The following SCAI variants were observed in gnomAD, a reference collection of about 807,000 sequenced individuals.
SCAI encodes protein SCAI.
In SCAI, 24 loss-of-function variants were observed where a neutral mutation model predicts 92.2. The ratio of observed to expected loss-of-function variants is 0.26; its 90% CI spans 0.19 to 0.37. The LOEUF is 0.37. Ranked by LOEUF, SCAI falls within the 10% of genes least tolerant of loss-of-function variation. The pLI, the probability that SCAI is intolerant of heterozygous loss-of-function variation, is 1.00. For synonymous variants in SCAI, 261 were observed against 258.6 expected (o/e 1.01, Z -0.09); for missense variants, 450 against 736.2 (o/e 0.61, Z 4.50).
chr9:124,986,500 TAC>T (rs1471499505), intron 14 of SCAI, among the ~76,000 whole-genome samples: 1 of 151,742 alleles, frequency 6.6e-6, no homozygotes, highest in Non-Finnish European at 1.5e-5. Context: ...TGATGGAAAA[TAC>T]AGACAGAAGA....
At chr9:125,108,743 C>T (rs1400428504) in intron 2 of SCAI, among the ~76,000 whole-genome samples, 2 of 150,966 alleles carry the variant, frequency 1.3e-5, no homozygotes, top group African/African-American at 2.4e-5. Flanking sequence ...AAGTGAGGAG[C>T]GTCTCCGCCC....
rs202122711 is a variant in SCAI, at chr9:125,098,029, A to G, written c.99-42022T>C. Reference sequence around the variant, plus strand: ...TGTGTGTGTGTGTATATATATATCTATACACACACATATATATATGTGTAT... The same window carrying G: ...TGTGTGTGTGTGTATATATATATCTGTACACACACATATATATATGTGTAT... On this transcript the variant is annotated intron_variant, in intron 2 of 17. Coordinates refer to ENST00000336505, the MANE Select transcript of SCAI (RefSeq NM_001144877.3). 2.7e-5 allele frequency among the ~76,000 whole-genome samples: 4 copies of G among 149,910 alleles called. No individual in the cohort carries two copies. The East Asian group carries it at 7.8e-4, about 29-fold the overall frequency.
rs71374207 is a variant in SCAI at position 124,944,466 on chromosome 9, ATTTTTTTTT to A, written c.*8332_*8340del. Reference sequence around the variant, plus strand: ...AGGCGCACACCACCATGCCTGGCTAATTTTTTTTTTTTTTTTTTTTTTTTTGTATTTTAG... The same window carrying A: ...AGGCGCACACCACCATGCCTGGCTAATTTTTTTTTTTTTTTTGTATTTTAG... On this transcript the variant is annotated 3_prime_UTR_variant, in exon 18 of 18. Transcript: ENST00000336505. 1.9e-4 allele frequency: 16 copies of A among 84,724 alleles called. No homozygotes were observed. The highest frequency in any genetic ancestry group is 4.7e-4 in the South Asian group (1 of 2,134). The allele number at this position is 84,724 out of a possible 1,614,324, so 5.2% of individuals were successfully genotyped here. A position where few individuals can be genotyped will look rare whatever the true frequency, so the allele number is the denominator to read the frequency against.
At chr9:124,994,875 G>C in intron 14 of SCAI, 59 bp downstream of exon 14, 1 of 1,052,450 alleles carries the variant, frequency 9.5e-7, no homozygotes, top group Non-Finnish European at 1.5e-6. Flanking sequence ...CATTAAGAGT[G>C]GGTACCCTTG....
At chr9:125,098,508 G>GA (rs1834611468) in intron 2 of SCAI, among the ~76,000 whole-genome samples, 1 of 152,038 alleles carries the variant, frequency 6.6e-6, no homozygotes, top group African/African-American at 2.4e-5. Context: ...CAGAAGCCTA[G>GA]AAAAAACAAA....
At chr9:124,977,177 C>G (rs752017059) in intron 14 of SCAI, among the ~76,000 whole-genome samples, 1 of 152,138 alleles carries the variant, frequency 6.6e-6, no homozygotes, top group Non-Finnish European at 1.5e-5. Flanking sequence ...CCAAAACATA[C>G]TATGTTCTTA....
intron 17 of SCAI, chr9:124,968,691 C>A: frequency 7.3e-7 from 1 of 1,376,120 alleles, no homozygotes. Context: ...TCCCGATTTC[C>A]TCAAATTCAT....
At chr9:124,967,772 C>T (rs1831569432) in intron 17 of SCAI, among the ~76,000 whole-genome samples, 1 of 152,312 alleles carries the variant, frequency 6.6e-6, no homozygotes, top group African/African-American at 2.4e-5. Flanking sequence ...AAGAAATTGT[C>T]TTCCCATGTG....
intron 14 of SCAI, among the ~76,000 whole-genome samples, chr9:124,979,796 T>C (rs574636164): frequency 2.0e-4 from 31 of 152,282 alleles, no homozygotes; most frequent in African/African-American, 7.5e-4. Context: ...ACGCCTGTAA[T>C]CCCAGCACTC....
In SCAI at chr9:125,029,646, ATGC is replaced by A; in HGVS notation, c.321_323del (p.Gln107del). The A allele has an allele frequency of 1.2e-6, 2 of 1,604,086 alleles. No homozygotes were observed. The highest frequency in any genetic ancestry group is 1.7e-6 in the Non-Finnish European group (2 of 1,171,808). ...CTTTAACTATAAAATTCATTTACCG[ATGC>A]TGCTGCTGGAACTTCCAGAGTTTGG... On this transcript the variant is annotated inframe_deletion, in exon 4 of 18. Transcript: ENST00000336505.
intron 2 of SCAI, among the ~76,000 whole-genome samples, chr9:125,109,184 C>A (rs1461343604): frequency 1.3e-5 from 2 of 152,130 alleles, no homozygotes; most frequent in African/African-American, 4.8e-5. Context: ...GTCATCACCA[C>A]TCCCTAATCT....
At chr9:125,086,661 T>A (rs1254975993) in intron 2 of SCAI, among the ~76,000 whole-genome samples, 1 of 152,208 alleles carries the variant, frequency 6.6e-6, no homozygotes, top group Admixed American at 6.5e-5. Context: ...AGATTCTTAA[T>A]AGATCAAAAT....
intron 17 of SCAI, among the ~76,000 whole-genome samples, chr9:124,965,240 G>A (rs1056876167): frequency 6.6e-6 from 1 of 151,568 alleles, no homozygotes; most frequent in Non-Finnish European, 1.5e-5. Context: ...TTTTTTGTGT[G>A]TATGTCGGGG....
At chr9:124,964,181 G>A (rs1335950724) in intron 17 of SCAI, among the ~76,000 whole-genome samples, 3 of 152,152 alleles carry the variant, frequency 2.0e-5, no homozygotes, top group African/African-American at 7.2e-5. Flanking sequence ...GTTGTCTAAT[G>A]TCCATTTGTT....
intron 9 of SCAI, among the ~76,000 whole-genome samples, chr9:125,013,138 A>C (rs1410007493): frequency 6.6e-6 from 1 of 152,192 alleles, no homozygotes; most frequent in Non-Finnish European, 1.5e-5. Flanking sequence ...GCGAGAGCAA[A>C]CACATTCAAA....
chr9:125,021,944 G>C (rs1832878345), intron 6 of SCAI, among the ~76,000 whole-genome samples: 1 of 151,948 alleles, frequency 6.6e-6, no homozygotes, highest in African/African-American at 2.4e-5. Flanking sequence ...TCGTACCATG[G>C]TTAGACAACA....
intron 2 of SCAI, among the ~76,000 whole-genome samples, chr9:125,136,701 T>C (rs565820979): frequency 4.0e-5 from 6 of 151,712 alleles, no homozygotes; most frequent in Admixed American, 3.9e-4. Flanking sequence ...CCTCGTGATC[T>C]GCCAGCCTGG....
chr9:125,088,462 G>A (rs1834365836), intron 2 of SCAI, among the ~76,000 whole-genome samples: 1 of 152,150 alleles, frequency 6.6e-6, no homozygotes, highest in Non-Finnish European at 1.5e-5. Flanking sequence ...CTCCAGCCAT[G>A]TAAGATGTTC....
intron 2 of SCAI, among the ~76,000 whole-genome samples, chr9:125,094,478 C>G (rs191211051): frequency 7.9e-5 from 12 of 152,322 alleles, no homozygotes; most frequent in Admixed American, 7.2e-4. Flanking sequence ...CTGACCACCC[C>G]ATATAAAACA....
Sources: allele counts gnomAD v4.1 joint callset (sites outside exome capture counted in the v4.1 genomes callset), GRCh38; gene constraint gnomAD v4.1.1; transcripts MANE v1.5; gene names NCBI Gene and HGNC (gene_info 2026-07-23, HGNC 2026-07-21).